Variants in RIOK1 observed in about 807,000 individuals in gnomAD.
The protein encoded by RIOK1 is serine/threonine-protein kinase RIO1.
A neutral mutation model predicts 73.5 loss-of-function variants in RIOK1; 66 were observed. The observed-to-expected ratio is 0.90, with a 90% CI of 0.74 to 1.10. The LOEUF is 1.10. Ranked by LOEUF, RIOK1 falls within the 50% of genes least tolerant of loss-of-function variation. The pLI, the probability that RIOK1 is intolerant of heterozygous loss-of-function variation, is 0.00. For synonymous variants in RIOK1, 224 were observed against 226.8 expected (o/e 0.99, Z 0.11); for missense variants, 658 against 699.8 (o/e 0.94, Z 0.67).
In RIOK1 at chr6:7,417,452, A is replaced by G; in HGVS notation, c.*11A>G. On this transcript the variant is annotated 3_prime_UTR_variant, in exon 17 of 17. Transcript: ENST00000379834. ...AAAAAAGGCAAATAGAATGAGAACC[A>G]TATTATGTACAGTCATTTTCCTCAG... 4.1e-6 allele frequency: 6 copies of G among 1,461,940 alleles called. No homozygotes were observed. Among genetic ancestry groups the G allele is most frequent in the South Asian group, 1.3e-5 (1 of 76,994 alleles). The allele number at this position is 1,461,940 out of a possible 1,614,324, so 90.6% of individuals were successfully genotyped here.
At position 7,395,033 on chromosome 6, in the gene RIOK1, ACT is replaced by A. The variant is rs1316605483; in HGVS notation, c.277-17_277-16del. On this transcript the variant is annotated intron_variant, in intron 2 of 16. Coordinates refer to ENST00000379834, the MANE Select transcript of RIOK1 (RefSeq NM_031480.3). The stretch of plus-strand genomic sequence containing the variant: ...TTTGTTTTTACAGCTAGTGCCTTAG[ACT>A]CTGGAATTCCCTTCTAGGCAAATCG... The A allele has an allele frequency of 1.2e-6, 2 of 1,612,990 alleles. No homozygotes were observed. The highest frequency in any genetic ancestry group is 2.7e-5 in the African/African-American group (2 of 74,864).
chr6:7,398,827 T>C, intron 5 of RIOK1, 87 bp downstream of exon 5: 2 of 1,089,016 alleles, frequency 1.8e-6, no homozygotes, highest in Non-Finnish European at 2.7e-6. Context: ...CCTTTTTGCT[T>C]AATGCTAATG....
At chr6:7,413,562 A>T (rs1429545272) in intron 15 of RIOK1, among the ~76,000 whole-genome samples, 1 of 152,224 alleles carries the variant, frequency 6.6e-6, no homozygotes, top group Non-Finnish European at 1.5e-5. Flanking sequence ...TGTGGAAAGA[A>T]TTGAATTAGG....
rs1309471579 is a variant in RIOK1, at chr6:7,389,840, C to G, written c.-163C>G. The G allele has an allele frequency of 1.5e-5, 9 of 615,460 alleles. No homozygotes were observed. Among genetic ancestry groups the G allele is most frequent in the Non-Finnish European group, 2.6e-5 (9 of 341,718 alleles). 38.1% of individuals were successfully genotyped at this position (615,460 alleles called of 1,614,324 possible). ...CGGTTGGGGTGGCAGGGTGGTGGATCTGTCGGTCCCGTTTTCCCGTCGCAC... is the reference window on the plus strand; with the variant it reads ...CGGTTGGGGTGGCAGGGTGGTGGATGTGTCGGTCCCGTTTTCCCGTCGCAC... On this transcript the variant is annotated 5_prime_UTR_variant, in exon 1 of 17. In the 5' UTR this introduces an upstream ATG that the reference lacks. Transcript: ENST00000379834.
At chr6:7,396,496 G>A (rs1487959404) in intron 3 of RIOK1, among the ~76,000 whole-genome samples, 4 of 152,182 alleles carry the variant, frequency 2.6e-5, no homozygotes, top group African/African-American at 7.2e-5. Flanking sequence ...CTGTAGTGAT[G>A]AAAGTGACAC....
At chr6:7,393,025 C>T in intron 1 of RIOK1, 74 bp from the exon 2 acceptor site, 6 of 1,417,096 alleles carry the variant, frequency 4.2e-6, no homozygotes, top group Admixed American at 1.9e-5. Flanking sequence ...TAATATCTTA[C>T]ATCATAAATA....
chr6:7,394,906 A>G (rs1365044706), intron 2 of RIOK1, 147 bp from the exon 3 acceptor site: 1 of 1,266,124 alleles, frequency 7.9e-7, no homozygotes, highest in African/African-American at 1.5e-5. Context: ...AAATTTTTTG[A>G]GCCAATTTGA....
chr6:7,396,191 A>T (rs1289225404), intron 3 of RIOK1, among the ~76,000 whole-genome samples: 1 of 152,166 alleles, frequency 6.6e-6, no homozygotes, highest in Admixed American at 6.5e-5. Context: ...TGTAAGAGGG[A>T]TGGAGGGAAG....
chr6:7,403,744 C>T (rs1004487197), intron 8 of RIOK1, among the ~76,000 whole-genome samples, 197 bp from the exon 9 acceptor site: 1 of 151,624 alleles, frequency 6.6e-6, no homozygotes, highest in Admixed American at 6.6e-5. Context: ...AGTTGAATTG[C>T]TAGTGTTTTA....
chr6:7,400,141 A>G lies in RIOK1; in HGVS notation c.481-817A>G, dbSNP rs560850828. 2.0e-5 allele frequency among the ~76,000 whole-genome samples: 3 copies of G among 152,306 alleles called. No homozygotes were observed. In the East Asian group the frequency reaches 5.8e-4, roughly 29 times the overall value. On this transcript the variant is annotated intron_variant, in intron 5 of 16. Coordinates refer to ENST00000379834, the MANE Select transcript of RIOK1 (RefSeq NM_031480.3). The stretch of plus-strand genomic sequence containing the variant: ...GACTTTGAAATCCATTTTACTCAAG[A>G]TTGATTATTCTGGCTTGAAGGAAAT...
chr6:7,395,527 A>G (rs534873066), intron 3 of RIOK1, among the ~76,000 whole-genome samples: 1 of 151,904 alleles, frequency 6.6e-6, no homozygotes, highest in African/African-American at 2.4e-5. Context: ...AAAAAAAAAA[A>G]AGAAAAAAGG....
rs927782275 is a variant in RIOK1, at chr6:7,404,325, T to C, written c.855-93T>C. 2.2e-6 allele frequency: 3 copies of C among 1,379,932 alleles called. No homozygotes were observed. The Admixed American group carries it at 5.5e-5, about 25-fold the overall frequency. The allele number at this position is 1,379,932 out of a possible 1,614,324, so 85.5% of individuals were successfully genotyped here. ...CAGATTGTCCCACATACAGCTCACA[T>C]GATGAGTTGTAGAAGAGAAGGGCAT... On this transcript the variant is annotated intron_variant, in intron 9 of 16. Coordinates refer to ENST00000379834, the MANE Select transcript of RIOK1 (RefSeq NM_031480.3).
intron 12 of RIOK1, among the ~76,000 whole-genome samples, chr6:7,406,169 A>G (rs1019390643): frequency 4.0e-5 from 6 of 151,380 alleles, no homozygotes; most frequent in African/African-American, 1.5e-4. Context: ...GCTAATTTTT[A>G]TATTTTTTGT....
Position 7,412,943 on chromosome 6 carries a change from G to A in RIOK1, c.1443+1G>A. ...GAAAGATTTGTCAGGAGTTCAGAAG[G>A]TATGAAGAACATGTGTTACTGTTTG... On this transcript the variant is annotated splice_donor_variant, in intron 15 of 16. Coordinates refer to ENST00000379834, the MANE Select transcript of RIOK1 (RefSeq NM_031480.3). LOFTEE classifies it high-confidence loss of function. 6.4e-7 allele frequency: 1 copy of A among 1,553,126 alleles called. No individual in the cohort carries two copies. The highest frequency in any genetic ancestry group is 8.7e-7 in the Non-Finnish European group (1 of 1,149,048).
At chr6:7,396,795 G>T (rs1422920317) in intron 4 of RIOK1, 23 bp downstream of exon 4, 1 of 1,302,950 alleles carries the variant, frequency 7.7e-7, no homozygotes, top group Non-Finnish European at 1.1e-6. Flanking sequence ...TTAATAATAT[G>T]CATGGGTGAT....
Position 7,411,447 on chromosome 6 carries a change from A to G in RIOK1, c.1385A>G (p.Asp462Gly). The change falls in exon 14 of 17, where the codon GAT (aspartate) becomes GGT (glycine). Residue 462 changes from aspartate to glycine, a missense_variant. Coordinates refer to ENST00000379834, the MANE Select transcript of RIOK1 (RefSeq NM_031480.3). The part of the protein sequence containing the change: ...EEDMAMNAQQ[D>G]NILYQTVTGL... ...GACATGGCCATGAATGCCCAACAAG[A>G]TAATGTAAGTAGCTTGGTTTGTATA... 1 of 1,614,000 alleles carries G rather than the reference A, an allele frequency of 6.2e-7. No homozygotes were observed. The highest frequency in any genetic ancestry group is 8.5e-7 in the Non-Finnish European group (1 of 1,179,922).
chr6:7,399,939 G>A (rs992536643), intron 5 of RIOK1, among the ~76,000 whole-genome samples: 2 of 152,210 alleles, frequency 1.3e-5, no homozygotes, highest in Non-Finnish European at 2.9e-5. Context: ...CTAAAGTATA[G>A]TTGAGTTTGG....
chr6:7,404,345 G>A lies in RIOK1; in HGVS notation c.855-73G>A. On this transcript the variant is annotated intron_variant, in intron 9 of 16. Coordinates refer to ENST00000379834, the MANE Select transcript of RIOK1 (RefSeq NM_031480.3). ...TCACATGATGAGTTGTAGAAGAGAA[G>A]GGCATGTAACAGTATAGTAAGAAGC... 2 of 1,520,412 alleles carry A rather than the reference G, an allele frequency of 1.3e-6. 1 individual carries two copies. Among genetic ancestry groups the A allele is most frequent in the South Asian group, 2.3e-5 (2 of 85,896 alleles). The allele number at this position is 1,520,412 out of a possible 1,614,324, so 94.2% of individuals were successfully genotyped here. A position where few individuals can be genotyped will look rare whatever the true frequency, so the allele number is the denominator to read the frequency against.
At chr6:7,400,506 A>G (rs1238042803) in intron 5 of RIOK1, among the ~76,000 whole-genome samples, 1 of 152,200 alleles carries the variant, frequency 6.6e-6, no homozygotes, top group African/African-American at 2.4e-5. Flanking sequence ...AAAAACAAGG[A>G]TTATCTCACT....
Sources: allele counts gnomAD v4.1 joint callset (sites outside exome capture counted in the v4.1 genomes callset), GRCh38; gene constraint gnomAD v4.1.1; transcripts MANE v1.5; gene names NCBI Gene and HGNC (gene_info 2026-07-23, HGNC 2026-07-21).